The following PLCL1 variants were observed in gnomAD, a reference collection of about 807,000 sequenced individuals.
The protein encoded by PLCL1 is inactive phospholipase C-like protein 1.
PLCL1 carries 41 observed loss-of-function variants against 84.4 expected under a neutral mutation model. The observed-to-expected ratio is 0.49, with a 90% CI of 0.38 to 0.63. PLCL1 has a LOEUF of 0.63. Ranked by LOEUF, PLCL1 falls within the 30% of genes least tolerant of loss-of-function variation. The probability of loss-of-function intolerance (pLI) is 0.00; values close to 1 mark genes in which losing one functional copy is unlikely to be tolerated. For missense variants in PLCL1, 1,206 were observed against 1,367.8 expected (o/e 0.88, Z 1.87); for synonymous variants, 490 against 488.3 (o/e 1.00, Z -0.05).
At position 198,084,143 on chromosome 2, in the gene PLCL1, A is replaced by T; in HGVS notation, c.626A>T (p.Asp209Val). 6.2e-7 allele frequency: 1 copy of T among 1,614,146 alleles called. No individual in the cohort carries two copies. The highest frequency in any genetic ancestry group is 8.5e-7 in the Non-Finnish European group (1 of 1,180,012). Residue 209 changes from aspartate (D) to valine (V), a missense_variant, in exon 2 of 6, where the codon GAT (aspartate) becomes GTT (valine). Asp to Val is a radical substitution (Grantham distance 152). Coordinates refer to ENST00000428675, the MANE Select transcript of PLCL1 (RefSeq NM_006226.4). The stretch of plus-strand genomic sequence containing the variant: ...CTGGACCTAGTTGCCAATTCAGCAG[A>T]TGTGGCAAACATCTGGGTGTCTGGG... ...ESLDLVANSA[D>V]VANIWVSGLR... is the part of the protein sequence containing the mutation.
intron 1 of PLCL1, among the ~76,000 whole-genome samples, chr2:197,817,184 T>C (rs1232256249): frequency 6.6e-6 from 1 of 152,150 alleles, no homozygotes; most frequent in Non-Finnish European, 1.5e-5. Flanking sequence ...TTACAGCACT[T>C]ATGCAATAAA....
intron 1 of PLCL1, among the ~76,000 whole-genome samples, chr2:197,938,538 T>C (rs1414649850): frequency 6.6e-6 from 1 of 152,196 alleles, no homozygotes; most frequent in Admixed American, 6.5e-5. Context: ...GGTCTTTAGC[T>C]TTTTTGGGTT....
intron 1 of PLCL1, among the ~76,000 whole-genome samples, chr2:197,942,617 A>T (rs1368420421): frequency 6.6e-6 from 1 of 152,234 alleles, no homozygotes; most frequent in Non-Finnish European, 1.5e-5. Context: ...TTTAGAAATG[A>T]AATTTGAAAT....
chr2:197,876,634 C>A (rs1687737573), intron 1 of PLCL1, among the ~76,000 whole-genome samples: 1 of 151,904 alleles, frequency 6.6e-6, no homozygotes, highest in South Asian at 2.1e-4. Context: ...AAGATTATTG[C>A]AGGATTGTTT....
chr2:198,091,451 G>A (rs189438677), intron 3 of PLCL1, among the ~76,000 whole-genome samples: 123 of 151,992 alleles, frequency 8.1e-4, no homozygotes, highest in African/African-American at 2.6e-3. Context: ...AGGCCGAGGC[G>A]GGTGGATCAC....
chr2:197,957,848 T>C (rs1689522644), intron 1 of PLCL1, among the ~76,000 whole-genome samples: 1 of 152,112 alleles, frequency 6.6e-6, no homozygotes, highest in Non-Finnish European at 1.5e-5. Flanking sequence ...TTCCATTATT[T>C]TTATTTTTTA....
At chr2:197,904,780 C>A (rs1039196959) in intron 1 of PLCL1, among the ~76,000 whole-genome samples, 13 of 151,952 alleles carry the variant, frequency 8.6e-5, no homozygotes, top group African/African-American at 2.9e-4. Context: ...GTGCATAATT[C>A]TGTTAATTAG....
At chr2:198,106,941 A>G (rs1203618187) in intron 5 of PLCL1, among the ~76,000 whole-genome samples, 1 of 151,888 alleles carries the variant, frequency 6.6e-6, no homozygotes, top group Non-Finnish European at 1.5e-5. Context: ...GGTTCTATCC[A>G]CTACACTGTT....
chr2:197,946,727 G>A (rs2105779140), intron 1 of PLCL1, among the ~76,000 whole-genome samples: 1 of 152,262 alleles, frequency 6.6e-6, no homozygotes, highest in South Asian at 2.1e-4. Flanking sequence ...TTGGAAAAAT[G>A]CCTTGGCAGA....
chr2:197,852,648 T>C (rs1230010503), intron 1 of PLCL1, among the ~76,000 whole-genome samples: 3 of 152,186 alleles, frequency 2.0e-5, no homozygotes, highest in Non-Finnish European at 4.4e-5. Flanking sequence ...TAGATGCCAG[T>C]CACTGCTAAT....
intron 1 of PLCL1, among the ~76,000 whole-genome samples, chr2:197,989,139 A>T (rs1690283019): frequency 6.6e-6 from 1 of 152,214 alleles, no homozygotes; most frequent in African/African-American, 2.4e-5. Context: ...ATTTGATGAA[A>T]ACATTTTCAG....
intron 1 of PLCL1, among the ~76,000 whole-genome samples, chr2:198,068,884 G>A (rs1361149826): frequency 6.6e-6 from 1 of 151,898 alleles, no homozygotes; most frequent in Non-Finnish European, 1.5e-5. Context: ...TTAGCCAGGC[G>A]TGGTGGCAGG....
intron 1 of PLCL1, among the ~76,000 whole-genome samples, chr2:197,952,173 C>T (rs1306517987): frequency 6.6e-6 from 1 of 152,100 alleles, no homozygotes; most frequent in Non-Finnish European, 1.5e-5. Context: ...CCTTCTATCC[C>T]GTGATAGCCT....
rs950466820 is a variant in PLCL1 at position 198,148,807 on chromosome 2, T to C, written c.*1845T>C. On this transcript the variant is annotated 3_prime_UTR_variant, in exon 6 of 6. Transcript: ENST00000428675. The stretch of plus-strand genomic sequence containing the variant: ...GGTAAATCCATGTCTTTACTGGATA[T>C]ACAGTTAGGTGGGAAGAGGAGATAA... 2.0e-5 allele frequency: 3 copies of C among 152,352 alleles called. No homozygotes were observed. The highest frequency in any genetic ancestry group is 7.2e-5 in the African/African-American group (3 of 41,462). The allele number at this position is 152,352 out of a possible 1,614,324, so 9.4% of individuals were successfully genotyped here.
At chr2:198,011,268 A>T (rs537313936) in intron 1 of PLCL1, among the ~76,000 whole-genome samples, 23 of 151,522 alleles carry the variant, frequency 1.5e-4, no homozygotes, top group Non-Finnish European at 2.4e-4. Flanking sequence ...CTTCCCTTTT[A>T]CTACTGCTTT....
At chr2:197,946,697 G>C (rs188708062) in intron 1 of PLCL1, among the ~76,000 whole-genome samples, 17 of 152,226 alleles carry the variant, frequency 1.1e-4, no homozygotes, top group Admixed American at 3.9e-4. Context: ...TGAGTAGAAC[G>C]CTCCTGCAGG....
At chr2:197,937,994 A>G (rs992003255) in intron 1 of PLCL1, among the ~76,000 whole-genome samples, 1 of 152,168 alleles carries the variant, frequency 6.6e-6, no homozygotes, top group African/African-American at 2.4e-5. Context: ...CCAAGTCTGG[A>G]GATGAATAGA....
chr2:197,923,527 G>A (rs1311480520), intron 1 of PLCL1, among the ~76,000 whole-genome samples: 1 of 144,466 alleles, frequency 6.9e-6, no homozygotes, highest in Non-Finnish European at 1.5e-5. Flanking sequence ...ATGGGGCGGC[G>A]GGGCAGAGTC....
intron 3 of PLCL1, among the ~76,000 whole-genome samples, chr2:198,100,364 G>T (rs1356717605): frequency 6.6e-6 from 1 of 152,046 alleles, no homozygotes; most frequent in Non-Finnish European, 1.5e-5. Flanking sequence ...GGAATATGGG[G>T]AGTGAGAAGG....
Sources: allele counts gnomAD v4.1 joint callset (sites outside exome capture counted in the v4.1 genomes callset), GRCh38; gene constraint gnomAD v4.1.1; transcripts MANE v1.5; gene names NCBI Gene and HGNC (gene_info 2026-07-23, HGNC 2026-07-21).